PTPRD: variants seen among roughly 807,000 people sequenced by gnomAD.
PTPRD encodes the protein protein tyrosine phosphatase receptor type D.
In PTPRD, 34 loss-of-function variants were observed where a neutral mutation model predicts 214.5. That is an observed-to-expected ratio of 0.16 (90% CI 0.12 to 0.21). The LOEUF (loss-of-function observed/expected upper bound fraction) is 0.21. Among genes scored for constraint, PTPRD ranks in the 10% least tolerant of loss-of-function variants. PTPRD has a pLI of 1.00. For missense variants in PTPRD, 2,545 were observed against 2,398.7 expected, an observed-to-expected ratio of 1.06 and a Z score of -1.27; for synonymous variants, 1,128 against 845.7, an observed-to-expected ratio of 1.33 and a Z score of -5.79.
chr9:10,002,137 AAGCACAAT>A (rs1484699631), intron 4 of PTPRD, among the ~76,000 whole-genome samples: 1 of 151,450 alleles, frequency 6.6e-6, no homozygotes, highest in Non-Finnish European at 1.5e-5. Context: ...TTGTAATCCC[AAGCACAAT>A]AACTAAGAAA....
intron 10 of PTPRD, among the ~76,000 whole-genome samples, chr9:9,164,941 T>A (rs1437951805): frequency 2.0e-5 from 3 of 151,470 alleles, no homozygotes; most frequent in African/African-American, 4.9e-5. Flanking sequence ...TAATCCCAGC[T>A]ACTTGGGAGG....
intron 3 of PTPRD, among the ~76,000 whole-genome samples, chr9:10,176,495 T>C (rs1036342304): frequency 3.3e-5 from 5 of 151,970 alleles, no homozygotes; most frequent in Non-Finnish European, 7.4e-5. Flanking sequence ...ATCAGACCTG[T>C]AAGTAAACCA....
intron 3 of PTPRD, among the ~76,000 whole-genome samples, chr9:10,084,404 AG>A (rs1172231934): frequency 1.3e-5 from 2 of 152,040 alleles, no homozygotes; most frequent in Non-Finnish European, 2.9e-5. Context: ...AAGAAAATAT[AG>A]GAATCTATAC....
intron 3 of PTPRD, among the ~76,000 whole-genome samples, chr9:10,128,564 C>T (rs2098836570): frequency 6.6e-6 from 1 of 152,152 alleles, no homozygotes; most frequent in Admixed American, 6.5e-5. Flanking sequence ...CTTTCAGCCT[C>T]CAGAACTGCG....
At chr9:10,472,433 CCT>C (rs1197767295) in intron 2 of PTPRD, among the ~76,000 whole-genome samples, 1 of 149,842 alleles carries the variant, frequency 6.7e-6, no homozygotes, top group Non-Finnish European at 1.5e-5. Context: ...GGTCCACAAA[CCT>C]TGACTTTCTT....
At position 10,449,853 on chromosome 9, in the gene PTPRD, T is replaced by C. The variant is rs184210264; in HGVS notation, c.-599-108836A>G. ...AGATCAGATTGTTACTGTGTCTGTA[T>C]AGAAAGAAGTAGACATAGGAGACTC... On this transcript the variant is annotated intron_variant, in intron 2 of 45. Transcript: ENST00000381196. Among the ~76,000 whole-genome samples the C allele has an allele frequency of 3.2e-3, 491 of 151,892 alleles. 10 individuals carry two copies. The highest frequency in any genetic ancestry group is 0.012 in the African/African-American group (475 of 41,150).
intron 5 of PTPRD, among the ~76,000 whole-genome samples, chr9:9,767,304 C>T (rs189190780): frequency 6.6e-6 from 1 of 151,774 alleles, no homozygotes; most frequent in Non-Finnish European, 1.5e-5. Flanking sequence ...CAGTGAAGCA[C>T]TCATTAAAGT....
intron 12 of PTPRD, among the ~76,000 whole-genome samples, chr9:8,656,312 A>C (rs2096908585): frequency 6.6e-6 from 1 of 152,232 alleles, no homozygotes; most frequent in Admixed American, 6.5e-5. Flanking sequence ...TTATTCAAAA[A>C]TATTTTCACT....
intron 35 of PTPRD, among the ~76,000 whole-genome samples, chr9:8,425,035 G>A (rs1169977397): frequency 6.6e-6 from 1 of 152,166 alleles, no homozygotes; most frequent in African/African-American, 2.4e-5. Context: ...AAGCATGGTG[G>A]TGTGCCCAAC....
chr9:9,862,211 GAA>G (rs139742084), intron 5 of PTPRD, among the ~76,000 whole-genome samples: 2 of 136,432 alleles, frequency 1.5e-5, no homozygotes, highest in African/African-American at 5.4e-5. Flanking sequence ...GCCATCATTG[GAA>G]AAAAAAAAAA....
At chr9:9,408,727 T>C (rs550864419) in intron 8 of PTPRD, among the ~76,000 whole-genome samples, 20 of 152,020 alleles carry the variant, frequency 1.3e-4, no homozygotes, top group Middle Eastern at 3.4e-3. Context: ...TTTTAGATTT[T>C]GGGCTGTTTT....
chr9:10,533,821 T>C (rs1433433860), intron 2 of PTPRD, among the ~76,000 whole-genome samples: 3 of 151,954 alleles, frequency 2.0e-5, no homozygotes, highest in Admixed American at 2.0e-4. Context: ...CATACTTTCA[T>C]CTGAACACTA....
chr9:9,211,392 T>C (rs1230445719), intron 9 of PTPRD, among the ~76,000 whole-genome samples: 1 of 152,152 alleles, frequency 6.6e-6, no homozygotes, highest in Non-Finnish European at 1.5e-5. Context: ...GAATTAATGT[T>C]TGTAAAGCAA....
chr9:9,097,322 C>A (rs894584036), intron 10 of PTPRD, among the ~76,000 whole-genome samples: 1 of 151,816 alleles, frequency 6.6e-6, no homozygotes, highest in Non-Finnish European at 1.5e-5. Context: ...TTTTGGGGTA[C>A]TAAACCTCAT....
At chr9:8,581,966 C>A (rs1594476477) in intron 14 of PTPRD, among the ~76,000 whole-genome samples, 1 of 131,518 alleles carries the variant, frequency 7.6e-6, no homozygotes, top group African/African-American at 2.9e-5. Context: ...GAGGACAGAG[C>A]TATAGATAAT....
intron 2 of PTPRD, among the ~76,000 whole-genome samples, chr9:10,367,103 G>T (rs2097531280): frequency 6.7e-6 from 1 of 150,148 alleles, no homozygotes; most frequent in Non-Finnish European, 1.5e-5. Flanking sequence ...AAGGACCTGT[G>T]CCTTATATAT....
At chr9:9,174,079 C>T (rs919404898) in intron 10 of PTPRD, among the ~76,000 whole-genome samples, 78 of 152,110 alleles carry the variant, frequency 5.1e-4, no homozygotes, top group African/African-American at 1.8e-3. Flanking sequence ...AAGTATATTG[C>T]ATGAAAAAAT....
chr9:9,022,569 T>C (rs1302490211), intron 10 of PTPRD, among the ~76,000 whole-genome samples: 2 of 152,158 alleles, frequency 1.3e-5, no homozygotes, highest in Non-Finnish European at 2.9e-5. Context: ...TTGTAGTAGG[T>C]TGAGCCATCT....
At chr9:10,314,697 T>G (rs1350741804) in intron 3 of PTPRD, among the ~76,000 whole-genome samples, 1 of 151,774 alleles carries the variant, frequency 6.6e-6, no homozygotes, top group East Asian at 1.9e-4. Flanking sequence ...TAATCATGAG[T>G]ATACATCATG....
Sources: allele counts gnomAD v4.1 joint callset (sites outside exome capture counted in the v4.1 genomes callset), GRCh38; gene constraint gnomAD v4.1.1; transcripts MANE v1.5; gene names NCBI Gene and HGNC (gene_info 2026-07-23, HGNC 2026-07-21).